GTF2E2: variants seen among roughly 807,000 people sequenced by gnomAD.
GTF2E2 encodes transcription initiation factor IIE subunit beta.
A neutral mutation model predicts 40.5 loss-of-function variants in GTF2E2; 21 were observed. The observed-to-expected ratio is 0.52, with a 90% confidence interval of 0.37 to 0.75. The LOEUF is 0.75. Ranked by LOEUF, GTF2E2 falls within the 30% of genes least tolerant of loss-of-function variation. GTF2E2 has a pLI of 0.00. For synonymous variants in GTF2E2, 117 were observed against 121.6 expected, an observed-to-expected ratio of 0.96 and a Z score of 0.25; for missense variants, 298 against 338.4, an observed-to-expected ratio of 0.88 and a Z score of 0.94.
Position 30,580,165 on chromosome 8 carries a change from G to C in GTF2E2, c.759+116C>G, listed in dbSNP as rs74958442. On this transcript the variant is annotated intron_variant, in intron 7 of 7. Transcript: ENST00000355904. ...ATACCTCAGATGTGACCTGGGCTGCGGACACTGAGAAACAATGGCGGGGGA... is the reference window on the plus strand; with the variant it reads ...ATACCTCAGATGTGACCTGGGCTGCCGACACTGAGAAACAATGGCGGGGGA... The C allele has an allele frequency of 3.7e-4, 249 of 680,564 alleles. 2 individuals carry two copies. In the African/African-American group the frequency reaches 4.0e-3, roughly 11 times the overall value. The allele number at this position is 680,564 out of a possible 1,614,324, so 42.2% of individuals were successfully genotyped here. A position where few individuals can be genotyped will look rare whatever the true frequency, so the allele number is the denominator to read the frequency against.
intron 6 of GTF2E2, among the ~76,000 whole-genome samples, chr8:30,603,911 G>A (rs926458866): frequency 2.6e-5 from 4 of 151,984 alleles, no homozygotes; most frequent in South Asian, 2.1e-4. Context: ...CTGAAAAACC[G>A]CACACTATTA....
At chr8:30,621,996 A>G (rs1801117833) in intron 3 of GTF2E2, among the ~76,000 whole-genome samples, 1 of 151,618 alleles carries the variant, frequency 6.6e-6, no homozygotes, top group Admixed American at 6.6e-5. Context: ...ATTATACTTT[A>G]AAGTTCTAGG....
intron 6 of GTF2E2, among the ~76,000 whole-genome samples, chr8:30,605,796 G>A (rs1425660369): frequency 6.6e-6 from 1 of 152,098 alleles, no homozygotes; most frequent in Non-Finnish European, 1.5e-5. Context: ...GAGTAGCTGA[G>A]ACCACAGGCA....
At chr8:30,579,485 GA>G (rs1326976180) in intron 7 of GTF2E2, among the ~76,000 whole-genome samples, 2 of 152,152 alleles carry the variant, frequency 1.3e-5, no homozygotes, top group African/African-American at 2.4e-5. Flanking sequence ...ATCACATGAT[GA>G]AAAAAATTAA....
chr8:30,647,398 T>C (rs571819711), intron 2 of GTF2E2, among the ~76,000 whole-genome samples: 3 of 152,108 alleles, frequency 2.0e-5, no homozygotes, highest in Non-Finnish European at 4.4e-5. Context: ...CTGGTTGACA[T>C]GGTGAAACCC....
rs1828416974 is a variant in GTF2E2, at chr8:30,578,362, A to C, written c.*559T>G. 6.6e-6 allele frequency: 1 copy of C among 152,354 alleles called. No homozygotes were observed. The highest frequency in any genetic ancestry group is 1.9e-4 in the East Asian group (1 of 5,192). The allele number at this position is 152,354 out of a possible 1,614,324, so 9.4% of individuals were successfully genotyped here. ...ATTGCTCTGCTTGCTAACAAGCAGC[A>C]CACCTGTGTTCCAGTGGTGAAATCC... On this transcript the variant is annotated 3_prime_UTR_variant, in exon 8 of 8. Coordinates refer to ENST00000355904, the MANE Select transcript of GTF2E2 (RefSeq NM_002095.6).
chr8:30,646,774 G>A (rs1413158543), intron 2 of GTF2E2, among the ~76,000 whole-genome samples: 1 of 152,126 alleles, frequency 6.6e-6, no homozygotes, highest in African/African-American at 2.4e-5. Flanking sequence ...AAGGTCAGGA[G>A]CTCAAGACGA....
chr8:30,589,884 C>T (rs1472412273), intron 6 of GTF2E2, among the ~76,000 whole-genome samples: 1 of 152,206 alleles, frequency 6.6e-6, no homozygotes. Flanking sequence ...AACTCTTTAC[C>T]TTGAAAACTG....
At chr8:30,581,662 G>T (rs951368822) in intron 6 of GTF2E2, among the ~76,000 whole-genome samples, 9 of 152,136 alleles carry the variant, frequency 5.9e-5, no homozygotes, top group African/African-American at 2.2e-4. Context: ...ATACATTAGG[G>T]GTTCTTTCTA....
intron 2 of GTF2E2, among the ~76,000 whole-genome samples, chr8:30,638,133 A>C (rs554463234): frequency 1.3e-5 from 2 of 152,336 alleles, no homozygotes; most frequent in African/African-American, 4.8e-5. Flanking sequence ...ACATGGAAAT[A>C]ATCACTTCCA....
intron 6 of GTF2E2, among the ~76,000 whole-genome samples, chr8:30,586,596 C>T (rs1057306336): frequency 9.2e-5 from 14 of 152,086 alleles, no homozygotes; most frequent in South Asian, 4.1e-4. Context: ...CAATCTTGAG[C>T]GAAACAAACA....
At chr8:30,628,985 CATG>C (rs1358348810) in intron 3 of GTF2E2, among the ~76,000 whole-genome samples, 19 of 151,686 alleles carry the variant, frequency 1.3e-4, no homozygotes, top group Non-Finnish European at 2.5e-4. Context: ...ACTAAGAGAT[CATG>C]ATTTTTCTTT....
intron 2 of GTF2E2, among the ~76,000 whole-genome samples, chr8:30,648,805 G>A (rs1041639471): frequency 1.3e-5 from 2 of 152,200 alleles, no homozygotes; most frequent in African/African-American, 4.8e-5. Context: ...GTATGAAGGA[G>A]AAACAAGCTT....
intron 3 of GTF2E2, among the ~76,000 whole-genome samples, chr8:30,616,693 T>C (rs1216664745): frequency 2.0e-5 from 3 of 152,070 alleles, no homozygotes; most frequent in Non-Finnish European, 4.4e-5. Flanking sequence ...CTGTCACAAA[T>C]GTACTCTTCT....
chr8:30,581,035 C>A (rs62505276), intron 6 of GTF2E2, among the ~76,000 whole-genome samples: 1 of 152,100 alleles, frequency 6.6e-6, no homozygotes, highest in African/African-American at 2.4e-5. Context: ...ATTTTTGCAA[C>A]CAAGAGAGAC....
At chr8:30,616,356 AACCTGGGAGGCGG>A (rs1800917547) in intron 3 of GTF2E2, among the ~76,000 whole-genome samples, 1 of 152,134 alleles carries the variant, frequency 6.6e-6, no homozygotes, top group African/African-American at 2.4e-5. Flanking sequence ...GAATCACTTG[AACCTGGGAGGCGG>A]AGGTTGCAGT....
chr8:30,596,530 A>C (rs1408978293), intron 6 of GTF2E2, among the ~76,000 whole-genome samples: 2 of 152,192 alleles, frequency 1.3e-5, no homozygotes, highest in East Asian at 3.8e-4. Context: ...AGAGATTTTA[A>C]CATACTGAAC....
intron 6 of GTF2E2, among the ~76,000 whole-genome samples, chr8:30,605,173 A>C (rs1321279894): frequency 6.6e-6 from 1 of 152,234 alleles, no homozygotes. Context: ...GACATGCTAC[A>C]CTATGCTGCC....
chr8:30,584,481 C>A (rs1369581039), intron 6 of GTF2E2: 3 of 152,168 alleles, frequency 2.0e-5, no homozygotes, highest in Non-Finnish European at 1.5e-5. Flanking sequence ...GAAAGTCAGG[C>A]ACACTCTAAA....
Sources: gnomAD v4.1 joint callset for allele counts (sites outside exome capture counted in the v4.1 genomes callset) on GRCh38, gnomAD v4.1.1 for gene constraint, MANE v1.5 for transcripts, NCBI Gene and HGNC (gene_info 2026-07-23, HGNC 2026-07-21) for gene names.